SLC30A2: variants seen among roughly 807,000 people sequenced by gnomAD.
SLC30A2 encodes the protein proton-coupled zinc antiporter SLC30A2.
SLC30A2 carries 19 observed loss-of-function variants against 39.6 expected under a neutral mutation model. The ratio of observed to expected loss-of-function variants is 0.48; its 90% CI spans 0.34 to 0.70. The LOEUF is 0.70. Ranked by LOEUF, SLC30A2 falls within the 30% of genes least tolerant of loss-of-function variation. SLC30A2 has a pLI of 0.01. For missense variants in SLC30A2, 387 were observed against 479.4 expected (o/e 0.81, Z 1.80); for synonymous variants, 195 against 194.8 (o/e 1.00, Z -0.01).
In SLC30A2 at chr1:26,039,437, T is replaced by C. The variant is rs1223249847; in HGVS notation, c.974-132A>G. On this transcript the variant is annotated intron_variant, in intron 7 of 7. Coordinates refer to ENST00000374276, the MANE Select transcript of SLC30A2 (RefSeq NM_001004434.3). This position sits in a 1 kb window ranked among gnomAD's most constrained non-coding sequence, Gnocchi z 4.3. Reference sequence around the variant, plus strand: ...CATGAACATGGAGAAGCCCCCAGATTCCATTCCTCTGCCAGGTAGCCTCCC... The same window carrying C: ...CATGAACATGGAGAAGCCCCCAGATCCCATTCCTCTGCCAGGTAGCCTCCC... The C allele has an allele frequency of 4.2e-6, 3 of 714,146 alleles. No individual in the cohort carries two copies. Among genetic ancestry groups the C allele is most frequent in the Non-Finnish European group, 6.9e-6 (3 of 436,864 alleles). 44.2% of individuals were successfully genotyped at this position (714,146 alleles called of 1,614,324 possible). A position where few individuals can be genotyped will look rare whatever the true frequency, so the allele number is the denominator to read the frequency against.
intron 6 of SLC30A2, among the ~76,000 whole-genome samples, chr1:26,040,365 C>T (rs2050382683): frequency 6.6e-6 from 1 of 152,108 alleles, no homozygotes; most frequent in South Asian, 2.1e-4. Context: ...TATCCTGCCT[C>T]AGCCTCCTGA....
rs753881130 is a variant in SLC30A2, at chr1:26,045,033, C to A, written c.235G>T (p.Ala79Ser). The A allele has an allele frequency of 1.9e-6, 3 of 1,614,244 alleles. No individual in the cohort carries two copies. Among genetic ancestry groups the A allele is most frequent in the Non-Finnish European group, 8.5e-7 (1 of 1,180,050 alleles). ...KAQRQLYVAS[A>S]ICLLFMIGEV... is the part of the protein sequence containing the mutation. ...CCGATCATGAACAACAGGCAGATGG[C>A]AGAGGCTACATACAGCTGGCGCTGG... Residue 79 changes from alanine to serine, a missense_variant, in exon 2 of 8, where the codon GCC (alanine) becomes TCC (serine). Physicochemically the swap from Ala to Ser is moderately conservative, Grantham distance 99. Transcript: ENST00000374276.
rs368388103 is a variant in SLC30A2, at chr1:26,041,813, A to G, written c.733-8T>C. 3 of 1,558,382 alleles carry G rather than the reference A, an allele frequency of 1.9e-6. No homozygotes were observed. The highest frequency in any genetic ancestry group is 2.7e-6 in the Non-Finnish European group (3 of 1,129,740). On this transcript the variant is annotated splice_region_variant and splice_polypyrimidine_tract_variant and intron_variant, in intron 5 of 7. Coordinates refer to ENST00000374276, the MANE Select transcript of SLC30A2 (RefSeq NM_001004434.3). ...TACATACTTGTATTCTGGCTGCAGG[A>G]AGACAGGAAGGCAGACCTGGAGTTC...
chr1:26,042,113 G>A (rs891799788), intron 5 of SLC30A2, among the ~76,000 whole-genome samples: 1 of 152,226 alleles, frequency 6.6e-6, no homozygotes, highest in South Asian at 2.1e-4. Flanking sequence ...GACAGATGGG[G>A]AAATTGAGGC....
At position 26,038,974 on chromosome 1, in the gene SLC30A2, C is replaced by G; in HGVS notation, c.*186G>C. The G allele has an allele frequency of 7.2e-7, 1 of 1,383,472 alleles. No individual in the cohort carries two copies. The highest frequency in any genetic ancestry group is 9.4e-7 in the Non-Finnish European group (1 of 1,066,068). The allele number at this position is 1,383,472 out of a possible 1,614,324, so 85.7% of individuals were successfully genotyped here. ...ACACTAGCTTTATACCCGCTGAGTC[C>G]CCACCCTGGCTGTAGTCAGATGGGA... is the stretch of plus-strand genomic sequence containing the variant. On this transcript the variant is annotated 3_prime_UTR_variant, in exon 8 of 8. Coordinates refer to ENST00000374276, the MANE Select transcript of SLC30A2 (RefSeq NM_001004434.3).
chr1:26,041,439 A>G (rs1350391779), intron 6 of SLC30A2, among the ~76,000 whole-genome samples: 3 of 152,140 alleles, frequency 2.0e-5, no homozygotes, highest in Non-Finnish European at 2.9e-5. Context: ...CCACCTGACT[A>G]GGCAGAGGAG....
intron 1 of SLC30A2, 95 bp from the exon 2 acceptor site, chr1:26,045,312 G>A: frequency 1.0e-6 from 1 of 996,726 alleles, no homozygotes; most frequent in Non-Finnish European, 1.5e-6. Flanking sequence ...TGTGTCCACT[G>A]GGAAAAATAG....
Position 26,043,503 on chromosome 1 carries a change from C to A in SLC30A2, c.467G>T (p.Gly156Val), listed in dbSNP as rs764241797. ...CTCCACAGCCAGGTACACCAGTACC[C>A]CCGTCACGACCCAGATGGACAGTAC... The part of the protein sequence containing the change: ...VSVLSIWVVT[G>V]VLVYLAVERL... The change falls in exon 4 of 8, where the codon GGG becomes GTG. Residue 156 changes from glycine to valine, a missense_variant. By Grantham distance (109) the Gly-to-Val change is moderately radical (BLOSUM62 -3). Coordinates refer to ENST00000374276, the MANE Select transcript of SLC30A2 (RefSeq NM_001004434.3). 1 of 1,614,044 alleles carries A rather than the reference C, an allele frequency of 6.2e-7. No homozygotes were observed. Among genetic ancestry groups the A allele is most frequent in the Non-Finnish European group, 8.5e-7 (1 of 1,179,946 alleles).
Position 26,042,711 on chromosome 1 carries a change from A to G in SLC30A2, c.573-3T>C, listed in dbSNP as rs780118337. The G allele has an allele frequency of 1.2e-5, 20 of 1,613,316 alleles. No individual in the cohort carries two copies. The highest frequency in any genetic ancestry group is 5.5e-5 in the South Asian group (5 of 91,048). ...ACTGGTGAAGGGTCAACCCCATTCT[A>G]TGGAAGTGGAGACAAAGCCAAGGGC... On this transcript the variant is annotated splice_region_variant and splice_polypyrimidine_tract_variant and intron_variant, in intron 4 of 7. Coordinates refer to ENST00000374276, the MANE Select transcript of SLC30A2 (RefSeq NM_001004434.3).
chr1:26,045,738 A>T (rs2124427840), intron 1 of SLC30A2, 109 bp downstream of exon 1: 1 of 1,549,948 alleles, frequency 6.5e-7, no homozygotes, highest in Non-Finnish European at 8.8e-7. Context: ...CCCCTCCTGC[A>T]TGGTCCCAGC....
chr1:26,045,876 C>T lies in SLC30A2; in HGVS notation c.21G>A (p.Gln7=). 1 of 1,613,072 alleles carries T rather than the reference C, an allele frequency of 6.2e-7. No homozygotes were observed. The highest frequency in any genetic ancestry group is 8.5e-7 in the Non-Finnish European group (1 of 1,179,874). Residue 7 remains glutamine (Q), a synonymous_variant, in exon 1 of 8, where the codon CAG becomes CAA. Transcript: ENST00000374276. ...TTGCCGGCCTGGCGTCCAACAGATG[C>T]TGCTTCTCCTTGGCCTCCATGCAGT... MEAKEK[Q]HLLDARPAIR...
At chr1:26,045,574 A>T in intron 1 of SLC30A2, 1 of 629,762 alleles carries the variant, frequency 1.6e-6, no homozygotes, top group Non-Finnish European at 2.7e-6. Context: ...TGCCTGGGGC[A>T]AAGTGCTGGG....
At chr1:26,041,027 G>T (rs914220238) in intron 6 of SLC30A2, among the ~76,000 whole-genome samples, 46 of 152,060 alleles carry the variant, frequency 3.0e-4, no homozygotes, top group African/African-American at 1.1e-3. Context: ...AGCCTAGGAG[G>T]TCAAGGCTGC....
chr1:26,045,791 C>T lies in SLC30A2; in HGVS notation c.50+56G>A, dbSNP rs181066761. 595 of 1,612,944 alleles carry T rather than the reference C, an allele frequency of 3.7e-4. 4 individuals carry two copies. In the African/African-American group the frequency reaches 6.6e-3, roughly 18 times the overall value. On this transcript the variant is annotated intron_variant, in intron 1 of 7. Transcript: ENST00000374276. The stretch of plus-strand genomic sequence containing the variant: ...CCAACCACTGCTAGGATGGCAAATG[C>T]GGAGGTGCGTCGGCTGCCGCCAAAA...
At position 26,044,405 on chromosome 1, in the gene SLC30A2, G is replaced by A; in HGVS notation, c.311C>T (p.Ala104Val). ...GGCAAAGTCAGTGAGCAGGTGTGCT[G>A]CGTCAGTCATGACAGCCAAGCTGTG... is the stretch of plus-strand genomic sequence containing the variant. ...LAHSLAVMTD[A>V]AHLLTDFASM... Residue 104 changes from alanine to valine, a missense_variant, in exon 3 of 8, where the codon GCA becomes GTA. Coordinates refer to ENST00000374276, the MANE Select transcript of SLC30A2 (RefSeq NM_001004434.3). 1 of 1,613,922 alleles carries A rather than the reference G, an allele frequency of 6.2e-7. No homozygotes were observed. The highest frequency in any genetic ancestry group is 8.5e-7 in the Non-Finnish European group (1 of 1,179,972).
At chr1:26,044,492 A>C in intron 2 of SLC30A2, 48 bp from the exon 3 acceptor site, 1 of 1,587,022 alleles carries the variant, frequency 6.3e-7, no homozygotes, top group East Asian at 2.3e-5. Flanking sequence ...GCTGGCTCCC[A>C]AGACTGTGTG....
chr1:26,044,256 C>T (rs753914745), intron 3 of SLC30A2, 42 bp downstream of exon 3: 25 of 1,607,674 alleles, frequency 1.6e-5, no homozygotes, highest in Non-Finnish European at 2.0e-5. Flanking sequence ...TCTAACCCAC[C>T]CTCTCTCTCA....
At position 26,044,442 on chromosome 1, in the gene SLC30A2, C is replaced by T; in HGVS notation, c.274G>A (p.Gly92Arg). Residue 92 changes from glycine to arginine, a missense_variant and splice_region_variant, in exon 3 of 8, where the codon GGG (glycine) becomes AGG (arginine). Physicochemically the swap from Gly to Arg is moderately radical, Grantham distance 125 (BLOSUM62 -2). Transcript: ENST00000374276. ...ACAGCCAAGCTGTGTGCCAGGTACC[C>T]ACCTGCAGGGTGGAGGGTCCTTATC... is the stretch of plus-strand genomic sequence containing the variant. ...LLFMIGEVVG[G>R]YLAHSLAVMT... 6.2e-7 allele frequency: 1 copy of T among 1,613,330 alleles called. No homozygotes were observed. The highest frequency in any genetic ancestry group is 8.5e-7 in the Non-Finnish European group (1 of 1,179,810).
rs1191100011 is a variant in SLC30A2, at chr1:26,045,412, C to T, written c.51-195G>A. ...GGAATGGGAGTCCTGGGGCCCGGGG[C>T]CCTTCAGAGGCCAGAGGAGGTGAAG... On this transcript the variant is annotated intron_variant, in intron 1 of 7. Transcript: ENST00000374276. 23 of 612,766 alleles carry T rather than the reference C, an allele frequency of 3.8e-5. 1 individual carries two copies. The highest frequency in any genetic ancestry group is 5.7e-5 in the Non-Finnish European group (20 of 349,160). 38.0% of individuals were successfully genotyped at this position (612,766 alleles called of 1,614,324 possible).
Sources: allele counts gnomAD v4.1 joint callset (sites outside exome capture counted in the v4.1 genomes callset), GRCh38; gene constraint gnomAD v4.1.1; non-coding constraint Gnocchi (gnomAD v3.1); transcripts MANE v1.5; gene names NCBI Gene and HGNC (gene_info 2026-07-23, HGNC 2026-07-21).